The following NTM variants were observed in gnomAD, a reference collection of about 807,000 sequenced individuals.
The protein encoded by NTM is neurotrimin, also known as IgLON family member 2.
NTM carries 13 observed loss-of-function variants against 42.1 expected under a neutral mutation model. The observed-to-expected ratio is 0.31, with a 90% CI of 0.20 to 0.49. NTM has a LOEUF of 0.49. Ranked by LOEUF, NTM falls within the 20% of genes least tolerant of loss-of-function variation. The probability of loss-of-function intolerance (pLI) is 0.99; values close to 1 mark genes in which losing one functional copy is unlikely to be tolerated. For missense variants in NTM, 373 were observed against 452.8 expected (o/e 0.82, Z 1.60); for synonymous variants, 187 against 179.2 (o/e 1.04, Z -0.35).
At chr11:131,842,017 C>T (rs11222815) in intron 1 of NTM, among the ~76,000 whole-genome samples, 51,756 of 152,132 alleles carry the variant, frequency 0.34, 10,824 homozygotes, top group East Asian at 0.48. Context: ...TATTCAAATA[C>T]GACCAGAGAA....
intron 1 of NTM, among the ~76,000 whole-genome samples, chr11:131,417,745 C>G (rs1250332833): frequency 6.6e-6 from 1 of 152,218 alleles, no homozygotes; most frequent in Non-Finnish European, 1.5e-5. Flanking sequence ...CAAAATCCAT[C>G]TGGACCAGCT....
intron 1 of NTM, among the ~76,000 whole-genome samples, chr11:131,736,951 T>C (rs1457812940): frequency 6.6e-6 from 1 of 152,240 alleles, no homozygotes; most frequent in African/African-American, 2.4e-5. Context: ...AGGATGACTA[T>C]GCAGGGAGCA....
At chr11:131,660,610 G>C (rs935479591) in intron 1 of NTM, 1 of 457,482 alleles carries the variant, frequency 2.2e-6, no homozygotes, top group African/African-American at 2.0e-5. Context: ...CTGAGGGCTG[G>C]CCTTGATCTC....
At chr11:131,754,112 T>TCACACAC (rs2082964357) in intron 1 of NTM, among the ~76,000 whole-genome samples, 1 of 111,896 alleles carries the variant, frequency 8.9e-6, no homozygotes, top group Non-Finnish European at 1.7e-5. Flanking sequence ...AAGGGGAATA[T>TCACACAC]CACACACCGG....
At chr11:132,076,015 CAG>C (rs951885972) in intron 2 of NTM, among the ~76,000 whole-genome samples, 4 of 152,024 alleles carry the variant, frequency 2.6e-5, no homozygotes, top group African/African-American at 9.7e-5. Flanking sequence ...TTTTAAACAA[CAG>C]ATACAATAGT....
At chr11:131,888,886 G>T (rs907066242) in intron 1 of NTM, among the ~76,000 whole-genome samples, 2 of 151,778 alleles carry the variant, frequency 1.3e-5, no homozygotes, top group Non-Finnish European at 2.9e-5. Flanking sequence ...CGGCGACATA[G>T]AATCTAGCTT....
At chr11:131,511,877 G>A (rs777839504) in intron 1 of NTM, among the ~76,000 whole-genome samples, 2 of 152,104 alleles carry the variant, frequency 1.3e-5, no homozygotes, top group Non-Finnish European at 2.9e-5. Context: ...GTCAGAGGGC[G>A]ACCTTTCAAA....
intron 1 of NTM, among the ~76,000 whole-genome samples, chr11:131,779,659 C>T (rs560951653): frequency 6.6e-6 from 1 of 152,198 alleles, no homozygotes; most frequent in South Asian, 2.1e-4. Flanking sequence ...AGTCAGTCTA[C>T]CAGTGGAGCA....
intron 1 of NTM, among the ~76,000 whole-genome samples, chr11:131,512,320 T>A (rs1322772068): frequency 6.6e-6 from 1 of 152,234 alleles, no homozygotes; most frequent in Admixed American, 6.5e-5. Flanking sequence ...TCTTTGTCCA[T>A]GTCCTTGCTG....
intron 1 of NTM, among the ~76,000 whole-genome samples, chr11:131,553,113 A>G (rs1175604132): frequency 6.6e-6 from 1 of 152,148 alleles, no homozygotes; most frequent in African/African-American, 2.4e-5. Flanking sequence ...TGGTTATAAT[A>G]AAAGTGAGCA....
At chr11:131,456,475 G>A (rs1440330741) in intron 1 of NTM, among the ~76,000 whole-genome samples, 1 of 152,124 alleles carries the variant, frequency 6.6e-6, no homozygotes, top group African/African-American at 2.4e-5. Flanking sequence ...CATCAAGCCA[G>A]CTAAAGTCGA....
chr11:131,753,030 A>G (rs2082773989), intron 1 of NTM, among the ~76,000 whole-genome samples: 1 of 137,280 alleles, frequency 7.3e-6, no homozygotes, highest in South Asian at 2.5e-4. Context: ...CAATGAGCAC[A>G]AACAAATTTA....
chr11:131,885,529 G>A (rs1445980325), intron 1 of NTM, among the ~76,000 whole-genome samples: 5 of 152,154 alleles, frequency 3.3e-5, no homozygotes, highest in Non-Finnish European at 7.3e-5. Context: ...AGCATCCCAC[G>A]CTCTTCCTCA....
chr11:132,279,226 A>T (rs189135473), intron 4 of NTM, among the ~76,000 whole-genome samples: 3 of 152,154 alleles, frequency 2.0e-5, no homozygotes, highest in Non-Finnish European at 4.4e-5. Context: ...TTTCCTTTTA[A>T]TATATTACAT....
rs965858719 is a variant in NTM, at chr11:132,275,754, A to G, written c.527-31935A>G. ...TATATACGTATATATATATGTGTATATATATATATATGTTATATAATGATC... is the reference window on the plus strand; with the variant it reads ...TATATACGTATATATATATGTGTATGTATATATATATGTTATATAATGATC... On this transcript the variant is annotated intron_variant, in intron 4 of 8. Coordinates refer to ENST00000683400, the MANE Select transcript of NTM (RefSeq NM_001352005.2). Among the ~76,000 whole-genome samples, 299 of 146,314 alleles carry G rather than the reference A, an allele frequency of 2.0e-3. 2 individuals are homozygous for G. The highest frequency in any genetic ancestry group is 6.9e-3 in the African/African-American group (276 of 39,780).
chr11:132,019,045 G>A (rs1041959939), intron 2 of NTM, among the ~76,000 whole-genome samples: 2 of 151,856 alleles, frequency 1.3e-5, no homozygotes, highest in South Asian at 2.1e-4. Flanking sequence ...GTCTGAAAAC[G>A]TAGAGTCTTT....
rs534063173 is a variant in NTM at position 131,747,519 on chromosome 11, C to T, written c.83-164045C>T. On this transcript the variant is annotated intron_variant, in intron 1 of 8. Transcript: ENST00000683400. ...GCTTTGTAGCTGGACTCTCGGCCTT[C>T]GTTGTTCTCCTTCCATACCCCTGAA... is the stretch of plus-strand genomic sequence containing the variant. Among the ~76,000 whole-genome samples the T allele has an allele frequency of 5.3e-5, 8 of 152,320 alleles. No individual in the cohort carries two copies. The South Asian group carries it at 1.2e-3, about 24-fold the overall frequency.
chr11:131,953,344 C>T (rs553302267), intron 2 of NTM, among the ~76,000 whole-genome samples: 2 of 152,058 alleles, frequency 1.3e-5, no homozygotes, highest in East Asian at 1.9e-4. Flanking sequence ...TTACAAGGGG[C>T]GAGTGTAGTA....
chr11:131,972,406 T>C (rs566485721), intron 2 of NTM, among the ~76,000 whole-genome samples: 2 of 152,324 alleles, frequency 1.3e-5, no homozygotes, highest in South Asian at 4.1e-4. Context: ...ATTTCTTTTT[T>C]AGCTTTATAA....
Sources: allele counts gnomAD v4.1 joint callset (sites outside exome capture counted in the v4.1 genomes callset), GRCh38; gene constraint gnomAD v4.1.1; transcripts MANE v1.5; gene names NCBI Gene and HGNC (gene_info 2026-07-23, HGNC 2026-07-21).